Variants in FBXL7 observed in about 807,000 individuals in gnomAD.
The protein encoded by FBXL7 is F-box and leucine rich repeat protein 7, also known as F-box/LRR-repeat protein 7.
Under a neutral mutation model 38.3 loss-of-function variants are expected in FBXL7, and 12 were observed. The ratio of observed to expected loss-of-function variants is 0.31; its 90% confidence interval spans 0.20 to 0.51. The LOEUF is 0.51. FBXL7 is among the 20% of genes least tolerant of loss of function. The pLI is 0.98. For synonymous variants in FBXL7, 297 were observed against 300.9 expected (o/e 0.99, Z 0.13); for missense variants, 567 against 676.4 (o/e 0.84, Z 1.79).
chr5:15,835,194 T>C (rs1369514682), intron 2 of FBXL7, among the ~76,000 whole-genome samples: 1 of 152,182 alleles, frequency 6.6e-6, no homozygotes, highest in Non-Finnish European at 1.5e-5. Flanking sequence ...GAACTCAGCA[T>C]GAATAACCAC....
intron 2 of FBXL7, among the ~76,000 whole-genome samples, chr5:15,787,831 C>T (rs1737170014): frequency 6.6e-6 from 1 of 152,092 alleles, no homozygotes; most frequent in South Asian, 2.1e-4. Flanking sequence ...ATTTATGTGA[C>T]TGTCTTCATT....
intron 2 of FBXL7, among the ~76,000 whole-genome samples, chr5:15,648,971 T>A (rs1427433991): frequency 6.6e-6 from 1 of 151,786 alleles, no homozygotes; most frequent in Admixed American, 6.6e-5. Flanking sequence ...CCTTTCCTGA[T>A]CTACTTATTT....
chr5:15,777,165 T>C (rs757619052), intron 2 of FBXL7, among the ~76,000 whole-genome samples: 4 of 152,004 alleles, frequency 2.6e-5, no homozygotes, highest in African/African-American at 7.2e-5. Context: ...AACTGAGAAA[T>C]GGAAAAGTTA....
chr5:15,830,295 C>A (rs1306426558), intron 2 of FBXL7, among the ~76,000 whole-genome samples: 2 of 152,006 alleles, frequency 1.3e-5, no homozygotes, highest in African/African-American at 4.8e-5. Context: ...ACCAGCCTGG[C>A]CCACATGGTA....
At chr5:15,765,479 G>GT (rs1467220594) in intron 2 of FBXL7, among the ~76,000 whole-genome samples, 1 of 152,188 alleles carries the variant, frequency 6.6e-6, no homozygotes, top group African/African-American at 2.4e-5. Context: ...TAGCCAGTGT[G>GT]TTATGACACC....
chr5:15,654,195 C>T (rs1199200575), intron 2 of FBXL7, among the ~76,000 whole-genome samples: 1 of 152,130 alleles, frequency 6.6e-6, no homozygotes, highest in Non-Finnish European at 1.5e-5. Context: ...GGCAAAGGTG[C>T]ATAACTTCTT....
rs528576799 is a variant in FBXL7, at chr5:15,668,422, T to C, written c.127+52350T>C. ...TGTGTGTGTGTGTTTTCATGGCTCT[T>C]GTTTTCCTGGAATAAAGAATACATT... is the stretch of plus-strand genomic sequence containing the variant. On this transcript the variant is annotated intron_variant, in intron 2 of 3. Transcript: ENST00000504595. Among the ~76,000 whole-genome samples the C allele has an allele frequency of 2.6e-5, 4 of 151,468 alleles. No homozygotes were observed. The East Asian group carries it at 7.7e-4, about 29-fold the overall frequency.
chr5:15,797,161 C>T (rs1737437088), intron 2 of FBXL7, among the ~76,000 whole-genome samples: 1 of 151,890 alleles, frequency 6.6e-6, no homozygotes, highest in Non-Finnish European at 1.5e-5. Flanking sequence ...TTCAGTTTTG[C>T]CTTGTTGGTT....
At chr5:15,578,307 C>T (rs1253918731) in intron 1 of FBXL7, among the ~76,000 whole-genome samples, 1 of 151,888 alleles carries the variant, frequency 6.6e-6, no homozygotes, top group Non-Finnish European at 1.5e-5. Context: ...TGAGACATAG[C>T]AATGTATTGA....
chr5:15,865,537 C>T (rs899889891), intron 2 of FBXL7, among the ~76,000 whole-genome samples: 25 of 152,150 alleles, frequency 1.6e-4, no homozygotes, highest in African/African-American at 4.3e-4. Flanking sequence ...CACAGACCCA[C>T]GGATGAAGCT....
At chr5:15,771,642 T>C (rs1313435144) in intron 2 of FBXL7, among the ~76,000 whole-genome samples, 5 of 152,040 alleles carry the variant, frequency 3.3e-5, no homozygotes, top group African/African-American at 1.2e-4. Flanking sequence ...TGCTACTCAA[T>C]GTAGGTATTA....
intron 2 of FBXL7, among the ~76,000 whole-genome samples, chr5:15,900,576 G>T (rs1741211058): frequency 6.6e-6 from 1 of 151,812 alleles, no homozygotes; most frequent in African/African-American, 2.4e-5. Flanking sequence ...TTTTATTTTG[G>T]ATTCCTTTAG....
Position 15,687,632 on chromosome 5 carries a change from G to A in FBXL7, c.127+71560G>A, listed in dbSNP as rs1030744502. Among the ~76,000 whole-genome samples, 30 of 152,238 alleles carry A rather than the reference G, an allele frequency of 2.0e-4. No individual in the cohort carries two copies. The East Asian group carries it at 3.7e-3, about 19-fold the overall frequency. On this transcript the variant is annotated intron_variant, in intron 2 of 3. Coordinates refer to ENST00000504595, the MANE Select transcript of FBXL7 (RefSeq NM_012304.5). ...GCCCTCAAGGCTGTGAGAATTCAGC[G>A]GGAAATGGGAAGGGATGCTAATGAC...
intron 2 of FBXL7, among the ~76,000 whole-genome samples, chr5:15,648,896 T>C (rs1035777721): frequency 1.3e-4 from 12 of 93,136 alleles, no homozygotes; most frequent in African/African-American, 5.4e-4. Context: ...CAATTTCAAC[T>C]TTTTTTTTTT....
At chr5:15,831,761 G>A (rs1403216348) in intron 2 of FBXL7, among the ~76,000 whole-genome samples, 1 of 152,122 alleles carries the variant, frequency 6.6e-6, no homozygotes, top group Non-Finnish European at 1.5e-5. Flanking sequence ...TAGTGGAGGG[G>A]AGGGAAGGGG....
chr5:15,777,748 T>TAAAAAAAAAAAAAAAAAAA (rs1250146374), intron 2 of FBXL7, among the ~76,000 whole-genome samples: 147 of 89,394 alleles, frequency 1.6e-3, no homozygotes, highest in African/African-American at 2.1e-3. Flanking sequence ...AAAAAAAAAG[T>TAAAAAAAAAAAAAAAAAAA]AAATTCCAGT....
intron 2 of FBXL7, among the ~76,000 whole-genome samples, chr5:15,744,679 C>T (rs1735970495): frequency 6.6e-6 from 1 of 152,182 alleles, no homozygotes; most frequent in Non-Finnish European, 1.5e-5. Flanking sequence ...GCACCCCACT[C>T]TCTGTTGTAG....
chr5:15,922,338 A>G (rs1175057756), intron 2 of FBXL7, among the ~76,000 whole-genome samples: 1 of 151,882 alleles, frequency 6.6e-6, no homozygotes, highest in Non-Finnish European at 1.5e-5. Flanking sequence ...AAATTGGGGC[A>G]TTTTTTTCCT....
chr5:15,554,197 G>A lies in FBXL7; in HGVS notation c.37+53484G>A, dbSNP rs145407475. Among the ~76,000 whole-genome samples the A allele has an allele frequency of 2.9e-3, 444 of 152,262 alleles. 1 individual carries two copies. The highest frequency in any genetic ancestry group is 1.0e-2 in the African/African-American group (414 of 41,540). On this transcript the variant is annotated intron_variant, in intron 1 of 3. Coordinates refer to ENST00000504595, the MANE Select transcript of FBXL7 (RefSeq NM_012304.5). ...GAATGGATTTGTTGAGGTGGTAGGC[G>A]TGGGTGAGCCGCCATCCCTGAGGCA...
Sources: allele counts gnomAD v4.1 joint callset (sites outside exome capture counted in the v4.1 genomes callset), GRCh38; gene constraint gnomAD v4.1.1; transcripts MANE v1.5; gene names NCBI Gene and HGNC (gene_info 2026-07-23, HGNC 2026-07-21).